Variants in DLGAP1 observed in about 807,000 individuals in gnomAD.
The protein encoded by DLGAP1 is disks large-associated protein 1.
In DLGAP1, 11 loss-of-function variants were observed where a neutral mutation model predicts 90.8. The observed-to-expected ratio is 0.12, with a 90% CI of 0.08 to 0.20. The LOEUF is 0.20. Ranked by LOEUF, DLGAP1 falls within the 10% of genes least tolerant of loss-of-function variation. The pLI, the probability that DLGAP1 is intolerant of heterozygous loss-of-function variation, is 1.00. For synonymous variants in DLGAP1, 558 were observed against 540.7 expected (o/e 1.03, Z -0.44); for missense variants, 1,050 against 1,333.8 (o/e 0.79, Z 3.31).
intron 1 of DLGAP1, among the ~76,000 whole-genome samples, chr18:4,427,589 G>A (rs543531438): frequency 6.6e-6 from 1 of 152,182 alleles, no homozygotes; most frequent in Non-Finnish European, 1.5e-5. Flanking sequence ...TGCCATCAAA[G>A]ATAGTAGAAC....
intron 2 of DLGAP1, among the ~76,000 whole-genome samples, chr18:4,123,158 T>G (rs1477577757): frequency 6.6e-6 from 1 of 151,976 alleles, no homozygotes; most frequent in Non-Finnish European, 1.5e-5. Flanking sequence ...ACGGACAAGA[T>G]GGGAGGAGGG....
intron 1 of DLGAP1, among the ~76,000 whole-genome samples, chr18:4,448,780 A>T (rs1159398037): frequency 6.6e-6 from 1 of 152,220 alleles, no homozygotes; most frequent in Admixed American, 6.5e-5. Context: ...GAAAATACCT[A>T]GAAGGCTGTG....
At chr18:3,793,154 A>T (rs1279667661) in intron 5 of DLGAP1, among the ~76,000 whole-genome samples, 1 of 152,152 alleles carries the variant, frequency 6.6e-6, no homozygotes, top group Admixed American at 6.5e-5. Context: ...TCTGAGAAGG[A>T]CTGTTTCAGC....
intron 7 of DLGAP1, among the ~76,000 whole-genome samples, chr18:3,713,905 T>C (rs1266131651): frequency 1.3e-5 from 2 of 152,276 alleles, no homozygotes; most frequent in East Asian, 1.9e-4. Context: ...TTGGATTACA[T>C]AGGAAAACAG....
chr18:4,249,695 G>A (rs985185606), intron 1 of DLGAP1, among the ~76,000 whole-genome samples: 4 of 152,070 alleles, frequency 2.6e-5, no homozygotes, highest in East Asian at 1.9e-4. Flanking sequence ...TCAAGCAATC[G>A]TCTCACCTCA....
In DLGAP1 at chr18:3,926,421, TACAC is replaced by T. The variant is rs1333605478; in HGVS notation, c.-72-46285_-72-46282del. The stretch of plus-strand genomic sequence containing the variant: ...AATGACATATATATATATATATATA[TACAC>T]ACACACACACACACACACACATGCA... On this transcript the variant is annotated intron_variant, in intron 3 of 12. Transcript: ENST00000315677. 6.7e-3 allele frequency among the ~76,000 whole-genome samples: 875 copies of T among 129,648 alleles called. 8 individuals carry two copies. Among genetic ancestry groups the T allele is most frequent in the African/African-American group, 0.023 (826 of 35,606 alleles). The allele number at this position is 129,648 out of a possible 152,430, so 85.1% of individuals were successfully genotyped here.
intron 2 of DLGAP1, among the ~76,000 whole-genome samples, chr18:4,138,394 A>G (rs1291408498): frequency 6.6e-6 from 1 of 151,960 alleles, no homozygotes; most frequent in Non-Finnish European, 1.5e-5. Flanking sequence ...TTTGTCCTTA[A>G]TTCTCTTTAT....
chr18:3,523,593 A>G (rs529858009), intron 10 of DLGAP1, among the ~76,000 whole-genome samples: 32 of 152,200 alleles, frequency 2.1e-4, no homozygotes, highest in Admixed American at 1.7e-3. Context: ...CACGCCTGTA[A>G]TCCCAGCACT....
intron 1 of DLGAP1, among the ~76,000 whole-genome samples, chr18:4,443,484 G>A (rs1192803839): frequency 6.6e-6 from 1 of 152,140 alleles, no homozygotes; most frequent in Non-Finnish European, 1.5e-5. Context: ...CATAAATATA[G>A]GGTCCTAAAC....
chr18:3,972,520 C>CTCTT (rs905469839), intron 3 of DLGAP1, among the ~76,000 whole-genome samples: 6 of 151,484 alleles, frequency 4.0e-5, no homozygotes, highest in Non-Finnish European at 1.5e-5. Context: ...CTCTCTCTCT[C>CTCTT]TCTTTCTTTC....
chr18:3,715,384 T>C (rs1181086254), intron 7 of DLGAP1, among the ~76,000 whole-genome samples: 1 of 152,220 alleles, frequency 6.6e-6, no homozygotes, highest in Non-Finnish European at 1.5e-5. Context: ...AGTAGCACTA[T>C]TCCTACTAGA....
At chr18:4,096,917 ATTAAG>A (rs1338885971) in intron 2 of DLGAP1, among the ~76,000 whole-genome samples, 1 of 152,244 alleles carries the variant, frequency 6.6e-6, no homozygotes, top group African/African-American at 2.4e-5. Flanking sequence ...GATTACATGA[ATTAAG>A]TTAATGAAAG....
intron 2 of DLGAP1, among the ~76,000 whole-genome samples, chr18:4,018,767 G>A (rs2074561867): frequency 6.6e-6 from 1 of 152,198 alleles, no homozygotes; most frequent in East Asian, 1.9e-4. Context: ...TTTCAGCCTA[G>A]ATATCTGTAT....
chr18:3,602,593 C>CAAA (rs71159102), intron 7 of DLGAP1, among the ~76,000 whole-genome samples: 64 of 66,626 alleles, frequency 9.6e-4, no homozygotes, highest in East Asian at 2.8e-3. Flanking sequence ...AGACTCCGTC[C>CAAA]AAAAAAAAAA....
At chr18:4,030,691 C>T (rs191641302) in intron 2 of DLGAP1, among the ~76,000 whole-genome samples, 138 of 152,244 alleles carry the variant, frequency 9.1e-4, no homozygotes, top group African/African-American at 3.1e-3. Context: ...GAGGCTGAGG[C>T]GGGCAGACTG....
intron 7 of DLGAP1, among the ~76,000 whole-genome samples, chr18:3,630,088 A>AATATT (rs1804123979): frequency 6.6e-6 from 1 of 152,176 alleles, no homozygotes; most frequent in South Asian, 2.1e-4. Flanking sequence ...CATTTGGCCA[A>AATATT]ATATTATTCT....
chr18:4,397,408 GATTT>G (rs1326395098), intron 1 of DLGAP1, among the ~76,000 whole-genome samples: 1 of 152,146 alleles, frequency 6.6e-6, no homozygotes, highest in Non-Finnish European at 1.5e-5. Flanking sequence ...TTAAACATCT[GATTT>G]ATTACTTCTA....
chr18:4,361,671 C>T (rs143820022), intron 1 of DLGAP1, among the ~76,000 whole-genome samples: 9 of 152,128 alleles, frequency 5.9e-5, no homozygotes, highest in African/African-American at 9.6e-5. Flanking sequence ...ACAAAAGCTT[C>T]GAAACACTTA....
chr18:3,870,507 G>C (rs2070677594), intron 4 of DLGAP1, among the ~76,000 whole-genome samples: 1 of 152,054 alleles, frequency 6.6e-6, no homozygotes, highest in South Asian at 2.1e-4. Context: ...TCTCAGATTT[G>C]CTGCAGTTGC....
Sources: gnomAD v4.1 joint callset for allele counts (sites outside exome capture counted in the v4.1 genomes callset) on GRCh38, gnomAD v4.1.1 for gene constraint, MANE v1.5 for transcripts, NCBI Gene and HGNC (gene_info 2026-07-23, HGNC 2026-07-21) for gene names.